Variants in SPRTN observed in about 807,000 individuals in gnomAD.
SPRTN encodes SprT-like N-terminal domain.
SPRTN carries 11 observed loss-of-function variants against 31.9 expected under a neutral mutation model. The ratio of observed to expected loss-of-function variants is 0.34; its 90% CI spans 0.22 to 0.57. The LOEUF (loss-of-function observed/expected upper bound fraction) is 0.57, where lower values mean the gene tolerates loss of function less well. Ranked by LOEUF, SPRTN falls within the 20% of genes least tolerant of loss-of-function variation. SPRTN has a pLI of 0.86. For missense variants in SPRTN, 482 were observed against 590.1 expected, an observed-to-expected ratio of 0.82 and a Z score of 1.90; for synonymous variants, 185 against 212.1, an observed-to-expected ratio of 0.87 and a Z score of 1.11.
At position 231,353,870 on chromosome 1, in the gene SPRTN, G is replaced by A. The variant is rs767747114; in HGVS notation, c.*509G>A. 9.7e-5 allele frequency: 92 copies of A among 952,624 alleles called. No individual in the cohort carries two copies. The highest frequency in any genetic ancestry group is 1.1e-4 in the Non-Finnish European group (90 of 800,362). The allele number at this position is 952,624 out of a possible 1,614,324, so 59.0% of individuals were successfully genotyped here. On this transcript the variant is annotated 3_prime_UTR_variant, in exon 5 of 5. Transcript: ENST00000295050. ...AATTGTATTATTTATTAATTTTTTT[G>A]TTTGCAAAATCTTAACAGGAACTGT...
intron 3 of SPRTN, among the ~76,000 whole-genome samples, chr1:231,349,745 C>T (rs963685332): frequency 3.9e-5 from 6 of 152,158 alleles, no homozygotes; most frequent in African/African-American, 1.4e-4. Flanking sequence ...TGTGGTGGCT[C>T]ACGCCTGTAA....
chr1:231,351,288 T>C lies in SPRTN; in HGVS notation c.451-16T>C. The C allele has an allele frequency of 6.6e-7, 1 of 1,519,884 alleles. No individual in the cohort carries two copies. The highest frequency in any genetic ancestry group is 8.8e-7 in the Non-Finnish European group (1 of 1,133,384). The allele number at this position is 1,519,884 out of a possible 1,614,324, so 94.1% of individuals were successfully genotyped here. ...TAACTTGCTTATTGAATACTAAAAA[T>C]TCTGTCTCCACTCAGGTATACCATA... is the stretch of plus-strand genomic sequence containing the variant. On this transcript the variant is annotated splice_polypyrimidine_tract_variant and intron_variant, in intron 3 of 4. Transcript: ENST00000295050.
rs760545746 is a variant in SPRTN, at chr1:231,352,884, C to T, written c.993C>T (p.Tyr331=). 1.2e-5 allele frequency: 19 copies of T among 1,614,014 alleles called. No homozygotes were observed. The East Asian group carries it at 3.1e-4, about 26-fold the overall frequency. Residue 331 remains tyrosine, a synonymous_variant, in exon 5 of 5, where the codon TAC becomes TAT. Transcript: ENST00000295050. ...GTCACCAAAATGTTCTAAGCAACTA[C>T]TTTCCTAGAGTATCATTTGCCAACC... The part of the protein sequence containing the change: ...SNSHQNVLSN[Y]FPRVSFANQK...
Position 231,338,531 on chromosome 1 carries a change from G to A in SPRTN, c.148G>A (p.Val50Ile). 4 of 1,614,256 alleles carry A rather than the reference G, an allele frequency of 2.5e-6. No homozygotes were observed. Among genetic ancestry groups the A allele is most frequent in the Non-Finnish European group, 3.4e-6 (4 of 1,180,054 alleles). Residue 50 changes from valine to isoleucine, a missense_variant, in exon 1 of 5, where the codon GTT (valine) becomes ATT (isoleucine). Val to Ile is a conservative substitution (Grantham distance 29). Around this residue, in one of 2 missense-constraint regions of SPRTN, gnomAD observed 157 missense variants for 239.9 expected, o/e 0.65. Coordinates refer to ENST00000295050, the MANE Select transcript of SPRTN (RefSeq NM_032018.7). ...CACACCGGACTTGCAGGCACTGTTTGTTCAGTTTAACGACCAATTCTTCTG... is the reference window on the plus strand; with the variant it reads ...CACACCGGACTTGCAGGCACTGTTTATTCAGTTTAACGACCAATTCTTCTG... ...DPTPDLQALFVQFNDQFFWGQ... is the reference protein window; with the variant it reads ...DPTPDLQALFIQFNDQFFWGQ...
Position 231,351,355 on chromosome 1 carries a change from C to T in SPRTN, c.502C>T (p.Arg168Cys), listed in dbSNP as rs143558208. The stretch of plus-strand genomic sequence containing the variant: ...GGATGAGTATCGGCGACACTGGTGG[C>T]GCTGCAATGGGCCGTGCCAGCACAG... ...EVDEYRRHWW[R>C]CNGPCQHRPP... Residue 168 changes from arginine to cysteine, a missense_variant, in exon 4 of 5, where the codon CGC (arginine) becomes TGC (cysteine). By Grantham distance (180) the Arg-to-Cys change is radical. Transcript: ENST00000295050. 15 of 1,613,718 alleles carry T rather than the reference C, an allele frequency of 9.3e-6. No homozygotes were observed. The African/African-American group carries it at 1.6e-4, about 17-fold the overall frequency.
At chr1:231,345,557 C>A (rs761893645) in intron 2 of SPRTN, among the ~76,000 whole-genome samples, 1 of 152,162 alleles carries the variant, frequency 6.6e-6, no homozygotes, top group African/African-American at 2.4e-5. Context: ...TATTTCTAAT[C>A]TTTTGCTGTT....
At position 231,354,038 on chromosome 1, in the gene SPRTN, G is replaced by A; in HGVS notation, c.*677G>A. The A allele has an allele frequency of 1.0e-6, 1 of 966,188 alleles. No homozygotes were observed. Among genetic ancestry groups the A allele is most frequent in the Non-Finnish European group, 1.2e-6 (1 of 812,504 alleles). 59.9% of individuals were successfully genotyped at this position (966,188 alleles called of 1,614,324 possible). On this transcript the variant is annotated 3_prime_UTR_variant, in exon 5 of 5. Transcript: ENST00000295050. ...AGTAACAAATAGCCACTATAATTCT[G>A]TAGGCCAAATTTTATATTGAGTTTA...
rs552677539 is a variant in SPRTN at position 231,341,911 on chromosome 1, G to A, written c.321+2043G>A. 9.2e-5 allele frequency among the ~76,000 whole-genome samples: 14 copies of A among 151,478 alleles called. No homozygotes were observed. In the East Asian group the frequency reaches 2.7e-3, roughly 29 times the overall value. The stretch of plus-strand genomic sequence containing the variant: ...TGACGCACAAGAATCGCATGAACTC[G>A]GGAGGTGGAGGTTACAGTGAGCCGA... On this transcript the variant is annotated intron_variant, in intron 2 of 4. Transcript: ENST00000295050.
At chr1:231,347,657 C>T (rs1558365486) in intron 2 of SPRTN, 140 bp from the exon 3 acceptor site, 1 of 1,025,280 alleles carries the variant, frequency 9.8e-7, no homozygotes, top group African/African-American at 1.6e-5. Context: ...AGCCACTGCA[C>T]CCGGCCTAGA....
chr1:231,344,687 A>T (rs185608775), intron 2 of SPRTN: 85 of 308,068 alleles, frequency 2.8e-4, no homozygotes, highest in East Asian at 5.5e-4. Context: ...ATTGTTTTTT[A>T]AAAAAATTAT....
chr1:231,346,859 T>A (rs1479732830), intron 2 of SPRTN, among the ~76,000 whole-genome samples: 1 of 151,996 alleles, frequency 6.6e-6, no homozygotes, highest in East Asian at 1.9e-4. Flanking sequence ...CGAGAATCAC[T>A]TGGACCGAGG....
chr1:231,339,010 C>A (rs1686780791), intron 1 of SPRTN, among the ~76,000 whole-genome samples: 1 of 152,224 alleles, frequency 6.6e-6, no homozygotes, highest in South Asian at 2.1e-4. Context: ...TTCTCCTCCT[C>A]TATTCCCGTT....
chr1:231,352,556 T>C (rs1687269819), intron 4 of SPRTN, 54 bp from the exon 5 acceptor site: 2 of 1,523,958 alleles, frequency 1.3e-6, no homozygotes, highest in East Asian at 4.5e-5. Context: ...TTTGTTACTG[T>C]ATTTCTTTTG....
intron 2 of SPRTN, among the ~76,000 whole-genome samples, chr1:231,344,299 G>A (rs996272784): frequency 1.6e-4 from 24 of 152,274 alleles, no homozygotes; most frequent in African/African-American, 5.5e-4. Context: ...TTGAGCCCAG[G>A]AGTTGACCTG....
At chr1:231,340,260 G>C (rs1225688128) in intron 2 of SPRTN, among the ~76,000 whole-genome samples, 3 of 151,974 alleles carry the variant, frequency 2.0e-5, no homozygotes, top group South Asian at 2.1e-4. Context: ...CCAGCTACTC[G>C]GGAGGCTGAG....
In SPRTN at chr1:231,338,652, C is replaced by T. The variant is rs549951087; in HGVS notation, c.221+48C>T. The T allele has an allele frequency of 2.4e-5, 38 of 1,605,686 alleles. No individual in the cohort carries two copies. In the East Asian group the frequency reaches 8.0e-4, roughly 34 times the overall value. The stretch of plus-strand genomic sequence containing the variant: ...GAAAGAGGCGGGACTGGCAGCTTTC[C>T]TGCAGCCCCCGGCCCTGGTTTTCTC... On this transcript the variant is annotated intron_variant, in intron 1 of 4. Transcript: ENST00000295050.
At position 231,351,339 on chromosome 1, in the gene SPRTN, T is replaced by C; in HGVS notation, c.486T>C (p.Tyr162=). Residue 162 remains tyrosine, a synonymous_variant, in exon 4 of 5, where the codon TAT becomes TAC. Transcript: ENST00000295050. The part of the protein sequence containing the change: ...YHTFHDEVDE[Y]RRHWWRCNGP... The stretch of plus-strand genomic sequence containing the variant: ...CTTTTCACGATGAGGTGGATGAGTA[T>C]CGGCGACACTGGTGGCGCTGCAATG... The C allele has an allele frequency of 6.2e-7, 1 of 1,613,124 alleles. No individual in the cohort carries two copies. The highest frequency in any genetic ancestry group is 8.5e-7 in the Non-Finnish European group (1 of 1,179,438).
chr1:231,342,038 A>G (rs1686910815), intron 2 of SPRTN, among the ~76,000 whole-genome samples: 1 of 152,142 alleles, frequency 6.6e-6, no homozygotes, highest in South Asian at 2.1e-4. Context: ...TCAGCCTCCC[A>G]AAGTGCTGGG....
At chr1:231,349,248 G>T (rs1381612153) in intron 3 of SPRTN, among the ~76,000 whole-genome samples, 1 of 152,110 alleles carries the variant, frequency 6.6e-6, no homozygotes, top group Non-Finnish European at 1.5e-5. Context: ...AAAGTGGTGG[G>T]ATTATAGACA....
Sources: gnomAD v4.1 joint callset for allele counts (sites outside exome capture counted in the v4.1 genomes callset) on GRCh38, gnomAD v4.1.1 for gene constraint, gnomAD v4.1.1 regional missense constraint, MANE v1.5 for transcripts, NCBI Gene and HGNC (gene_info 2026-07-23, HGNC 2026-07-21) for gene names.